CCDC80: variants seen among roughly 807,000 people sequenced by gnomAD.
CCDC80 encodes coiled-coil domain-containing protein 80.
Under a neutral mutation model 78.7 loss-of-function variants are expected in CCDC80, and 49 were observed. The observed-to-expected ratio is 0.62, with a 90% CI of 0.50 to 0.79. The LOEUF is 0.79. Ranked by LOEUF, CCDC80 falls within the 30% of genes least tolerant of loss-of-function variation. The pLI is 0.00. For missense variants in CCDC80, 1,205 were observed against 1,198.6 expected, an observed-to-expected ratio of 1.01 and a Z score of -0.08; for synonymous variants, 488 against 447.0, an observed-to-expected ratio of 1.09 and a Z score of -1.16.
intron 3 of CCDC80, among the ~76,000 whole-genome samples, chr3:112,627,738 A>G (rs10934178): frequency 0.43 from 65,923 of 151,914 alleles, 15,854 homozygotes; most frequent in Non-Finnish European, 0.54. Flanking sequence ...ACATGACACA[A>G]GGAAAGAGAG....
At chr3:112,619,575 T>C (rs1187381307) in intron 3 of CCDC80, among the ~76,000 whole-genome samples, 1 of 152,206 alleles carries the variant, frequency 6.6e-6, no homozygotes, top group Non-Finnish European at 1.5e-5. Flanking sequence ...CCAGTAAGCA[T>C]GTCATATCTA....
chr3:112,611,500 C>T (rs543542618), intron 5 of CCDC80, among the ~76,000 whole-genome samples: 6 of 152,268 alleles, frequency 3.9e-5, no homozygotes, highest in South Asian at 2.1e-4. Context: ...AGTGAGGCTG[C>T]GGATTATTTT....
Position 112,626,698 on chromosome 3 carries a change from C to A in CCDC80, c.2035+3415G>T, listed in dbSNP as rs545515054. Among the ~76,000 whole-genome samples, 7 of 152,208 alleles carry A rather than the reference C, an allele frequency of 4.6e-5. No individual in the cohort carries two copies. In the East Asian group the frequency reaches 1.4e-3, roughly 29 times the overall value. ...AAATAGCTGGAATTACAGGCATCTG[C>A]CACCATGCCCAGCTAATTTTTGTAT... On this transcript the variant is annotated intron_variant, in intron 3 of 7. Transcript: ENST00000206423.
At position 112,603,680 on chromosome 3, in the gene CCDC80, T is replaced by C. The variant is rs931323453; in HGVS notation, c.*1737A>G. ...CTTGGATAGAGATATACAAGGAGAT[T>C]AATATTTTCGTGCCTGCTAACACAA... On this transcript the variant is annotated 3_prime_UTR_variant, in exon 8 of 8. Transcript: ENST00000206423. The C allele has an allele frequency of 2.6e-5, 4 of 151,332 alleles. No individual in the cohort carries two copies. Among genetic ancestry groups the C allele is most frequent in the Non-Finnish European group, 4.4e-5 (3 of 67,914 alleles). 9.4% of individuals were successfully genotyped at this position (151,332 alleles called of 1,614,324 possible). A position where few individuals can be genotyped will look rare whatever the true frequency, so the allele number is the denominator to read the frequency against.
chr3:112,622,977 G>A (rs1935898223), intron 3 of CCDC80, among the ~76,000 whole-genome samples: 1 of 151,846 alleles, frequency 6.6e-6, no homozygotes, highest in Non-Finnish European at 1.5e-5. Flanking sequence ...CGCCCAGCCA[G>A]AAGAAAAAAA....
intron 1 of CCDC80, 58 bp from the exon 2 acceptor site, chr3:112,639,974 A>G (rs1936310567): frequency 6.5e-7 from 1 of 1,527,186 alleles, no homozygotes; most frequent in Non-Finnish European, 8.8e-7. Context: ...AAAGAAAATT[A>G]TTTATCTGGA....
chr3:112,609,095 C>CT (rs1935571639), intron 6 of CCDC80, among the ~76,000 whole-genome samples: 1 of 150,730 alleles, frequency 6.6e-6, no homozygotes, highest in Non-Finnish European at 1.5e-5. Context: ...CCCCCTGCCC[C>CT]TGCCCCTGCC....
chr3:112,600,617 T>C lies in CCDC80; in HGVS notation c.*4800A>G, dbSNP rs1338539629. On this transcript the variant is annotated 3_prime_UTR_variant, in exon 8 of 8. Coordinates refer to ENST00000206423, the MANE Select transcript of CCDC80 (RefSeq NM_199511.3). Reference sequence around the variant, plus strand: ...CCTAGGCTCAAGCGATTCTCTCACTTCAGCCTCCTGAATAGCTGGGACCAC... The same window carrying C: ...CCTAGGCTCAAGCGATTCTCTCACTCCAGCCTCCTGAATAGCTGGGACCAC... 6.6e-6 allele frequency: 1 copy of C among 152,236 alleles called. No individual in the cohort carries two copies. The highest frequency in any genetic ancestry group is 1.5e-5 in the Non-Finnish European group (1 of 68,124). The allele number at this position is 152,236 out of a possible 1,614,324, so 9.4% of individuals were successfully genotyped here.
chr3:112,639,283 T>C lies in CCDC80; in HGVS notation c.623A>G (p.Gln208Arg), dbSNP rs1936287599. The C allele has an allele frequency of 6.2e-7, 1 of 1,614,178 alleles. No homozygotes were observed. The highest frequency in any genetic ancestry group is 2.2e-5 in the East Asian group (1 of 44,874). ...GKVRRITSEGQILEQPLDPSL... is the reference protein window; with the variant it reads ...GKVRRITSEGRILEQPLDPSL... ...AGGGTCCAGGGGCTGCTCCAGGATCTGGCCCTCGCTGGTGATCCTTCTCAC... is the reference window on the plus strand; with the variant it reads ...AGGGTCCAGGGGCTGCTCCAGGATCCGGCCCTCGCTGGTGATCCTTCTCAC... The change falls in exon 2 of 8, where the codon CAG becomes CGG. Residue 208 changes from glutamine (Q) to arginine (R), a missense_variant. Coordinates refer to ENST00000206423, the MANE Select transcript of CCDC80 (RefSeq NM_199511.3).
rs190345309 is a variant in CCDC80, at chr3:112,640,040, T to C, written c.-11-124A>G. 4.4e-5 allele frequency: 63 copies of C among 1,437,926 alleles called. No individual in the cohort carries two copies. The East Asian group carries it at 1.4e-3, about 32-fold the overall frequency. The allele number at this position is 1,437,926 out of a possible 1,614,324, so 89.1% of individuals were successfully genotyped here. ...CTCAGCCAAGGGGAGGGGAAAAGGT[T>C]GGTTAGAGAGAAGGAGGGAGGTCAG... On this transcript the variant is annotated intron_variant, in intron 1 of 7. Transcript: ENST00000206423.
chr3:112,607,524 T>C (rs935488983), intron 6 of CCDC80, among the ~76,000 whole-genome samples: 10 of 152,264 alleles, frequency 6.6e-5, no homozygotes, highest in East Asian at 1.9e-4. Context: ...CGGCGGCTCA[T>C]GCCTGTAATC....
At chr3:112,632,192 C>A (rs571813456) in intron 2 of CCDC80, among the ~76,000 whole-genome samples, 7 of 152,104 alleles carry the variant, frequency 4.6e-5, no homozygotes, top group Middle Eastern at 3.4e-3. Context: ...AGCGCAGATA[C>A]CAAAGTTTTA....
chr3:112,597,075 T>G lies in CCDC80; in HGVS notation c.*8342A>C, dbSNP rs914770228. On this transcript the variant is annotated 3_prime_UTR_variant, in exon 8 of 8. Coordinates refer to ENST00000206423, the MANE Select transcript of CCDC80 (RefSeq NM_199511.3). ...GTATTAGGCCAGTTGGAAACCATCA[T>G]TAAAGAAACTGACCCTGGTGATCAC... is the stretch of plus-strand genomic sequence containing the variant. 3.2e-4 allele frequency: 48 copies of G among 152,184 alleles called. No homozygotes were observed. Among genetic ancestry groups the G allele is most frequent in the Admixed American group, 3.1e-3 (47 of 15,260 alleles). The allele number at this position is 152,184 out of a possible 1,614,324, so 9.4% of individuals were successfully genotyped here. A position where few individuals can be genotyped will look rare whatever the true frequency, so the allele number is the denominator to read the frequency against.
chr3:112,634,829 G>A (rs1308793404), intron 2 of CCDC80, among the ~76,000 whole-genome samples: 1 of 152,142 alleles, frequency 6.6e-6, no homozygotes, highest in Non-Finnish European at 1.5e-5. Flanking sequence ...CTGAATTTGA[G>A]TTTTCAACTC....
At position 112,600,584 on chromosome 3, in the gene CCDC80, C is replaced by T. The variant is rs1245486365; in HGVS notation, c.*4833G>A. 1 of 152,096 alleles carries T rather than the reference C, an allele frequency of 6.6e-6. No homozygotes were observed. The highest frequency in any genetic ancestry group is 2.4e-5 in the African/African-American group (1 of 41,404). The allele number at this position is 152,096 out of a possible 1,614,324, so 9.4% of individuals were successfully genotyped here. A position where few individuals can be genotyped will look rare whatever the true frequency, so the allele number is the denominator to read the frequency against. On this transcript the variant is annotated 3_prime_UTR_variant, in exon 8 of 8. Transcript: ENST00000206423. The stretch of plus-strand genomic sequence containing the variant: ...TGGCACGATCACGGCACACTGAAGC[C>T]TCGACCTCCTAGGCTCAAGCGATTC...
At chr3:112,616,252 T>C (rs1935737905) in intron 5 of CCDC80, among the ~76,000 whole-genome samples, 1 of 152,112 alleles carries the variant, frequency 6.6e-6, no homozygotes, top group Non-Finnish European at 1.5e-5. Flanking sequence ...TGTTGTTTCC[T>C]GCAGAGTTGG....
At position 112,639,802 on chromosome 3, in the gene CCDC80, C is replaced by T. The variant is rs374284613; in HGVS notation, c.104G>A (p.Gly35Glu). The change falls in exon 2 of 8, where the codon GGA becomes GAA. Residue 35 changes from glycine (G) to glutamate (E), a missense_variant. Transcript: ENST00000206423. ...CGGAGAAACCAAAGGCACTTTCCGT[C>T]CTCCGTGGCTGCCTCTAATAGTGGC... Reference protein sequence around the residue: ...PHATIRGSHGGRKVPLVSPDS... With the variant: ...PHATIRGSHGERKVPLVSPDS... The T allele has an allele frequency of 1.1e-4, 175 of 1,614,056 alleles. No homozygotes were observed. Among genetic ancestry groups the T allele is most frequent in the Non-Finnish European group, 1.3e-4 (155 of 1,180,042 alleles).
intron 2 of CCDC80, among the ~76,000 whole-genome samples, chr3:112,631,184 A>G (rs935975503): frequency 1.3e-5 from 2 of 152,186 alleles, no homozygotes; most frequent in Admixed American, 1.3e-4. Context: ...CTAATACAAA[A>G]GCTTCTCTAC....
chr3:112,638,128 T>C lies in CCDC80; in HGVS notation c.1778A>G (p.Gln593Arg). ...GTTGGTGGGTTTCTGATAGCCATCC[T>C]GTTCTGTTTTACCTCCTTTTTTCTT... is the stretch of plus-strand genomic sequence containing the variant. Reference protein sequence around the residue: ...SKKKKGGKTEQDGYQKPTNKH... With the variant: ...SKKKKGGKTERDGYQKPTNKH... Residue 593 changes from glutamine to arginine, a missense_variant, in exon 2 of 8, where the codon CAG (glutamine) becomes CGG (arginine). Physicochemically the swap from Gln to Arg is conservative, Grantham distance 43 (BLOSUM62 1). Coordinates refer to ENST00000206423, the MANE Select transcript of CCDC80 (RefSeq NM_199511.3). 1 of 1,614,216 alleles carries C rather than the reference T, an allele frequency of 6.2e-7. No homozygotes were observed. The highest frequency in any genetic ancestry group is 8.5e-7 in the Non-Finnish European group (1 of 1,180,046).
Sources: gnomAD v4.1 joint callset for allele counts (sites outside exome capture counted in the v4.1 genomes callset) on GRCh38, gnomAD v4.1.1 for gene constraint, MANE v1.5 for transcripts, NCBI Gene and HGNC (gene_info 2026-07-23, HGNC 2026-07-21) for gene names.